The following CCDC148 variants were observed in gnomAD, a reference collection of about 807,000 sequenced individuals.
CCDC148 encodes coiled-coil domain containing 148, also known as coiled-coil domain-containing protein 148.
A neutral mutation model predicts 85.7 loss-of-function variants in CCDC148; 89 were observed. The observed-to-expected ratio is 1.04, with a 90% CI of 0.87 to 1.24. CCDC148 has a LOEUF of 1.24. CCDC148 is among the 50% of genes most tolerant of loss of function. The pLI, the probability that CCDC148 is intolerant of heterozygous loss-of-function variation, is 0.00. For synonymous variants in CCDC148, 230 were observed against 213.9 expected (o/e 1.08, Z -0.66); for missense variants, 692 against 671.7 (o/e 1.03, Z -0.33).
chr2:158,406,034 G>A (rs745769194), intron 1 of CCDC148, among the ~76,000 whole-genome samples: 2 of 152,070 alleles, frequency 1.3e-5, no homozygotes, highest in African/African-American at 4.8e-5. Context: ...CTTATTGATC[G>A]TCAGGGTGGC....
intron 10 of CCDC148, among the ~76,000 whole-genome samples, chr2:158,248,463 C>T (rs1330011291): frequency 6.6e-6 from 1 of 152,066 alleles, no homozygotes; most frequent in African/African-American, 2.4e-5. Context: ...AAGTCGTATG[C>T]CTTGGTCCTA....
intron 1 of CCDC148, among the ~76,000 whole-genome samples, chr2:158,455,706 TATAGGCTAGAGCA>T (rs941134791): frequency 4.6e-5 from 7 of 152,244 alleles, no homozygotes; most frequent in African/African-American, 1.4e-4. Context: ...TATCAGTGGC[TATAGGCTAGAGCA>T]ATATCATCTT....
At chr2:158,244,009 T>C (rs746249212) in intron 10 of CCDC148, among the ~76,000 whole-genome samples, 7 of 152,078 alleles carry the variant, frequency 4.6e-5, no homozygotes, top group Non-Finnish European at 1.0e-4. Context: ...TTAACAGTGA[T>C]CCATCCTAAT....
chr2:158,404,864 T>A (rs1178038483), intron 1 of CCDC148, among the ~76,000 whole-genome samples: 3 of 152,126 alleles, frequency 2.0e-5, no homozygotes, highest in African/African-American at 4.8e-5. Flanking sequence ...TGAAAACTTA[T>A]AAGAGTGGAA....
chr2:158,348,861 A>G (rs1045999216), intron 2 of CCDC148, among the ~76,000 whole-genome samples: 1 of 152,124 alleles, frequency 6.6e-6, no homozygotes, highest in African/African-American at 2.4e-5. Flanking sequence ...CTGGACAAGA[A>G]GTATCTAAGC....
chr2:158,194,618 T>C (rs1685577108), intron 11 of CCDC148, among the ~76,000 whole-genome samples: 1 of 152,094 alleles, frequency 6.6e-6, no homozygotes, highest in African/African-American at 2.4e-5. Context: ...TCAGGTGATA[T>C]TTTTGCTCTC....
chr2:158,345,133 T>G (rs1434253754), intron 3 of CCDC148, 82 bp downstream of exon 3: 5 of 898,908 alleles, frequency 5.6e-6, no homozygotes, highest in Non-Finnish European at 8.3e-6. Flanking sequence ...TTAATTAACA[T>G]GGAACATTAT....
At chr2:158,189,476 G>C (rs1685316201) in intron 11 of CCDC148, among the ~76,000 whole-genome samples, 1 of 151,842 alleles carries the variant, frequency 6.6e-6, no homozygotes. Context: ...CCCACAGGAA[G>C]TTAACACGTA....
chr2:158,236,322 T>C (rs1228565427), intron 10 of CCDC148, among the ~76,000 whole-genome samples: 1 of 152,120 alleles, frequency 6.6e-6, no homozygotes, highest in Non-Finnish European at 1.5e-5. Flanking sequence ...ACATTAGTTA[T>C]CTCCCCCTTA....
rs561924062 is a variant in CCDC148, at chr2:158,193,826, T to C, written c.1371-14830A>G. Reference sequence around the variant, plus strand: ...ATCCATTTGCATAAAAATTTACAATTTTACATAAGGTATATCTCCTAATGC... The same window carrying C: ...ATCCATTTGCATAAAAATTTACAATCTTACATAAGGTATATCTCCTAATGC... On this transcript the variant is annotated intron_variant, in intron 11 of 13. Transcript: ENST00000283233. Among the ~76,000 whole-genome samples, 9 of 151,702 alleles carry C rather than the reference T, an allele frequency of 5.9e-5. No individual in the cohort carries two copies. The South Asian group carries it at 1.7e-3, about 28-fold the overall frequency.
chr2:158,209,726 G>A (rs1021114180), intron 11 of CCDC148, among the ~76,000 whole-genome samples: 16 of 152,166 alleles, frequency 1.1e-4, no homozygotes, highest in Admixed American at 4.6e-4. Context: ...CTTCGTAAGC[G>A]AAGGAGAAAT....
chr2:158,351,012 AC>A (rs1683239049), intron 2 of CCDC148, among the ~76,000 whole-genome samples: 1 of 152,122 alleles, frequency 6.6e-6, no homozygotes, highest in Non-Finnish European at 1.5e-5. Context: ...GTAACTTCAT[AC>A]TTTATTGGCC....
chr2:158,238,794 C>T (rs567494368), intron 10 of CCDC148, among the ~76,000 whole-genome samples: 14 of 152,270 alleles, frequency 9.2e-5, no homozygotes, highest in Admixed American at 5.9e-4. Flanking sequence ...TAAACCAGGA[C>T]AGGACCAAAG....
intron 7 of CCDC148, among the ~76,000 whole-genome samples, chr2:158,325,870 T>C (rs1692746039): frequency 1.3e-5 from 2 of 152,156 alleles, no homozygotes; most frequent in African/African-American, 4.8e-5. Flanking sequence ...CTTTAAAATA[T>C]ATCCAAGAGC....
At chr2:158,364,365 C>T (rs1684106562) in intron 1 of CCDC148, among the ~76,000 whole-genome samples, 1 of 152,062 alleles carries the variant, frequency 6.6e-6, no homozygotes, top group Non-Finnish European at 1.5e-5. Context: ...CAATCCTAGG[C>T]AAGAAGAACA....
At position 158,278,045 on chromosome 2, in the gene CCDC148, C is replaced by T. The variant is rs1379839923; in HGVS notation, c.1111-27133G>A. 2.6e-5 allele frequency among the ~76,000 whole-genome samples: 4 copies of T among 152,164 alleles called. No individual in the cohort carries two copies. In the East Asian group the frequency reaches 7.7e-4, roughly 29 times the overall value. On this transcript the variant is annotated intron_variant, in intron 9 of 13. Transcript: ENST00000283233. ...GTAAACCTCAGTCATTAGAGTGTCC[C>T]CTTCTAACCAGATCCACAAATAATC...
intron 7 of CCDC148, among the ~76,000 whole-genome samples, chr2:158,334,032 C>A (rs1311570850): frequency 6.6e-6 from 1 of 152,076 alleles, no homozygotes; most frequent in Non-Finnish European, 1.5e-5. Flanking sequence ...TTTTATTCTC[C>A]TGCTGCCAGA....
At chr2:158,268,723 T>C (rs1476061602) in intron 9 of CCDC148, among the ~76,000 whole-genome samples, 2 of 152,154 alleles carry the variant, frequency 1.3e-5, no homozygotes, top group African/African-American at 4.8e-5. Context: ...CCTTTGACTA[T>C]GGTCATCTCC....
At chr2:158,284,660 G>A (rs1574546681) in intron 9 of CCDC148, among the ~76,000 whole-genome samples, 2 of 152,270 alleles carry the variant, frequency 1.3e-5, no homozygotes, top group East Asian at 3.9e-4. Context: ...ATGCTTTCAG[G>A]AATACGGCAG....
Sources: gnomAD v4.1 joint callset for allele counts (sites outside exome capture counted in the v4.1 genomes callset) on GRCh38, gnomAD v4.1.1 for gene constraint, MANE v1.5 for transcripts, NCBI Gene and HGNC (gene_info 2026-07-23, HGNC 2026-07-21) for gene names.